OPRM1: variants seen among roughly 807,000 people sequenced by gnomAD.
OPRM1 encodes mu-type opioid receptor.
OPRM1 carries 27 observed loss-of-function variants against 31.8 expected under a neutral mutation model. The ratio of observed to expected loss-of-function variants is 0.85; its 90% CI spans 0.63 to 1.17. The LOEUF (loss-of-function observed/expected upper bound fraction) is 1.17, where lower values mean the gene tolerates loss of function less well. Ranked by LOEUF, OPRM1 falls within the 50% of genes most tolerant of loss-of-function variation. OPRM1 has a pLI of 0.00. For missense variants in OPRM1, 536 were observed against 511.1 expected (o/e 1.05, Z -0.47); for synonymous variants, 196 against 189.9 (o/e 1.03, Z -0.26).
chr6:154,044,710 ATAAT>A (rs1345541868), intron 1 of OPRM1, among the ~76,000 whole-genome samples: 2 of 152,218 alleles, frequency 1.3e-5, no homozygotes, highest in East Asian at 1.9e-4. Flanking sequence ...GAAAATACAA[ATAAT>A]TAATTGGTGT....
rs200216874 is a variant in OPRM1 at position 154,039,473 on chromosome 6, G to T, written c.-72G>T. 20 of 1,555,374 alleles carry T rather than the reference G, an allele frequency of 1.3e-5. No homozygotes were observed. The African/African-American group carries it at 2.7e-4, about 21-fold the overall frequency. On this transcript the variant is annotated 5_prime_UTR_variant, in exon 1 of 4. Coordinates refer to ENST00000330432, the MANE Select transcript of OPRM1 (RefSeq NM_000914.5). ...GCAGCGGCGAAAGGAAGCGGCTGAG[G>T]CGCTTGGAACCCGAAAAGTCTCGGT... is the stretch of plus-strand genomic sequence containing the variant.
At chr6:154,140,913 A>G (rs1798190070) in intron 3 of OPRM1, among the ~76,000 whole-genome samples, 1 of 152,194 alleles carries the variant, frequency 6.6e-6, no homozygotes, top group Admixed American at 6.5e-5. Flanking sequence ...TGAGGCCAGC[A>G]CTAGATGCTG....
upstream of OPRM1, chr6:154,039,023 A>G (rs17180996): frequency 2.0e-4 from 203 of 1,012,468 alleles, no homozygotes; most frequent in African/African-American, 2.9e-3. Flanking sequence ...CATCAAGCCA[A>G]TGTATTCCCT....
At chr6:154,094,733 C>T (rs145328571) in intron 3 of OPRM1, among the ~76,000 whole-genome samples, 9 of 152,276 alleles carry the variant, frequency 5.9e-5, no homozygotes, top group Non-Finnish European at 2.9e-5. Flanking sequence ...AATTGGCATA[C>T]GGTCAACTCT....
chr6:154,149,031 G>T (rs556052064), intron 3 of OPRM1, among the ~76,000 whole-genome samples: 1 of 152,214 alleles, frequency 6.6e-6, no homozygotes, highest in Admixed American at 6.5e-5. Flanking sequence ...CCAAGTAAAT[G>T]GTTATAGGTT....
At chr6:154,196,011 C>T (rs913925305) in intron 3 of OPRM1, among the ~76,000 whole-genome samples, 16 of 152,070 alleles carry the variant, frequency 1.1e-4, no homozygotes, top group Middle Eastern at 6.8e-3. Flanking sequence ...AGGCTGGTCT[C>T]GAACTCCTGA....
chr6:154,061,626 A>C (rs1784442089), intron 1 of OPRM1, among the ~76,000 whole-genome samples: 1 of 152,104 alleles, frequency 6.6e-6, no homozygotes, highest in African/African-American at 2.4e-5. Flanking sequence ...CATTGAGTAC[A>C]CATGGACAAA....
chr6:154,213,864 T>C (rs1375145173), intron 3 of OPRM1, among the ~76,000 whole-genome samples: 2 of 152,258 alleles, frequency 1.3e-5, no homozygotes, highest in East Asian at 1.9e-4. Flanking sequence ...GAGGAAATAG[T>C]GGGATGAAAG....
intron 1 of OPRM1, among the ~76,000 whole-genome samples, chr6:154,016,565 T>A (rs1463725118): frequency 2.6e-5 from 4 of 152,200 alleles, no homozygotes; most frequent in Admixed American, 6.5e-5. Flanking sequence ...TAGAATGTAC[T>A]TTACTTTGTA....
chr6:154,028,911 C>T (rs904471625), intron 1 of OPRM1, among the ~76,000 whole-genome samples: 1 of 152,154 alleles, frequency 6.6e-6, no homozygotes, highest in African/African-American at 2.4e-5. Context: ...GTGATATGAA[C>T]TTAAAACCAA....
At chr6:154,045,537 C>G (rs549203206) in intron 1 of OPRM1, among the ~76,000 whole-genome samples, 25 of 152,262 alleles carry the variant, frequency 1.6e-4, no homozygotes, top group African/African-American at 6.0e-4. Flanking sequence ...CCCAAGGGAC[C>G]ACCATAGAAT....
At chr6:154,107,691 TA>T in intron 3 of OPRM1, 1 of 718,530 alleles carries the variant, frequency 1.4e-6, no homozygotes, top group South Asian at 1.5e-5. Flanking sequence ...GCCGTGTGGT[TA>T]AAAGGTCAAG....
chr6:154,145,155 G>T (rs1798326314), intron 3 of OPRM1, among the ~76,000 whole-genome samples: 1 of 152,214 alleles, frequency 6.6e-6, no homozygotes, highest in South Asian at 2.1e-4. Flanking sequence ...TAAGACAAGA[G>T]AAGGAAATAA....
At position 154,180,560 on chromosome 6, in the gene OPRM1, C is replaced by G. The variant is rs551142302; in HGVS notation, c.1165-66133C>G. Among the ~76,000 whole-genome samples, 5 of 152,172 alleles carry G rather than the reference C, an allele frequency of 3.3e-5. No homozygotes were observed. The South Asian group carries it at 1.0e-3, about 32-fold the overall frequency. On this transcript the variant is annotated intron_variant, in intron 3 of 3. Transcript: ENST00000337049. ...TTCTCCTCCTCTTCCATACCCCAGT[C>G]TATTGTCTGCTCTGACAGCACAGGC... is the stretch of plus-strand genomic sequence containing the variant.
intron 1 of OPRM1, among the ~76,000 whole-genome samples, chr6:154,047,651 T>TGA (rs1337672406): frequency 6.6e-6 from 1 of 152,118 alleles, no homozygotes; most frequent in Non-Finnish European, 1.5e-5. Context: ...TGGGTTTAAA[T>TGA]GAGAGAGAGA....
At chr6:154,147,485 A>C (rs1798389349) in intron 3 of OPRM1, among the ~76,000 whole-genome samples, 1 of 152,126 alleles carries the variant, frequency 6.6e-6, no homozygotes, top group Non-Finnish European at 1.5e-5. Context: ...TTCATCCCTG[A>C]GCTGTTTGAG....
In OPRM1 at chr6:154,091,252, T is replaced by A; in HGVS notation, c.944T>A (p.Phe315Tyr). The change falls in exon 3 of 4, where the codon TTC becomes TAC. Residue 315 changes from phenylalanine (F) to tyrosine (Y), a missense_variant. Physicochemically the swap from Phe to Tyr is conservative, Grantham distance 22. Transcript: ENST00000330432. ...TTGGTTACAATCCCAGAAACTACGT[T>A]CCAGACTGTTTCTTGGCACTTCTGC... ...KALVTIPETT[F>Y]QTVSWHFCIA... The A allele has an allele frequency of 1.2e-6, 2 of 1,614,188 alleles. No individual in the cohort carries two copies. Among genetic ancestry groups the A allele is most frequent in the Middle Eastern group, 1.6e-4 (1 of 6,062 alleles).
intron 3 of OPRM1, among the ~76,000 whole-genome samples, chr6:154,181,570 A>AAT (rs1800872784): frequency 6.6e-6 from 1 of 152,222 alleles, no homozygotes; most frequent in South Asian, 2.1e-4. Flanking sequence ...CAAATTAGGC[A>AAT]ATATATAGTC....
intron 3 of OPRM1, among the ~76,000 whole-genome samples, chr6:154,180,414 A>ATTATTTTT (rs1554289565): frequency 3.1e-5 from 2 of 65,268 alleles, no homozygotes; most frequent in African/African-American, 9.6e-5. Context: ...ATATATATAT[A>ATTATTTTT]TTTTTTTTTT....
Sources: gnomAD v4.1 joint callset for allele counts (sites outside exome capture counted in the v4.1 genomes callset) on GRCh38, gnomAD v4.1.1 for gene constraint, MANE v1.5 for transcripts, NCBI Gene and HGNC (gene_info 2026-07-23, HGNC 2026-07-21) for gene names.